Variants in PIWIL4 observed in about 807,000 individuals in gnomAD.
PIWIL4 encodes piwi like RNA-mediated gene silencing 4, also known as piwi-like protein 4.
PIWIL4 carries 50 observed loss-of-function variants against 100.9 expected under a neutral mutation model. That is an observed-to-expected ratio of 0.50 (90% confidence interval 0.39 to 0.63). The LOEUF (loss-of-function observed/expected upper bound fraction) is 0.63. Among genes scored for constraint, PIWIL4 ranks in the 20% least tolerant of loss-of-function variants. PIWIL4 has a pLI of 0.00. For missense variants in PIWIL4, 887 were observed against 1,043.3 expected, an observed-to-expected ratio of 0.85 and a Z score of 2.06; for synonymous variants, 342 against 367.5, an observed-to-expected ratio of 0.93 and a Z score of 0.79.
chr11:94,600,007 A>G (rs768687470), intron 11 of PIWIL4, among the ~76,000 whole-genome samples: 49 of 152,278 alleles, frequency 3.2e-4, no homozygotes, highest in Admixed American at 6.5e-4. Flanking sequence ...AAGTAGCAGG[A>G]GATTAGCATA....
chr11:94,568,603 T>A lies in PIWIL4; in HGVS notation c.88-127T>A, dbSNP rs1392007804. The A allele has an allele frequency of 4.4e-6, 3 of 679,374 alleles. No individual in the cohort carries two copies. In the Admixed American group the frequency reaches 6.9e-5, roughly 16 times the overall value. The allele number at this position is 679,374 out of a possible 1,614,324, so 42.1% of individuals were successfully genotyped here. ...CACTCTCTTCTCATCTCTCAAGGGT[T>A]TTACCTGTTAACATTTTCTTTGCCT... On this transcript the variant is annotated intron_variant, in intron 1 of 19. Coordinates refer to ENST00000299001, the MANE Select transcript of PIWIL4 (RefSeq NM_152431.3).
chr11:94,582,459 C>A (rs1412842610), intron 4 of PIWIL4, among the ~76,000 whole-genome samples: 1 of 152,152 alleles, frequency 6.6e-6, no homozygotes, highest in African/African-American at 2.4e-5. Flanking sequence ...GCCTTACATT[C>A]TTGATGCAAT....
chr11:94,587,681 C>T (rs1317494889), intron 7 of PIWIL4, among the ~76,000 whole-genome samples: 19 of 152,234 alleles, frequency 1.2e-4, no homozygotes, highest in Admixed American at 9.8e-4. Context: ...TTCCCCTGGG[C>T]GGCGCCCATA....
intron 13 of PIWIL4, among the ~76,000 whole-genome samples, chr11:94,606,131 A>G (rs901560733): frequency 1.3e-5 from 2 of 152,116 alleles, no homozygotes; most frequent in Admixed American, 6.5e-5. Flanking sequence ...TGTATGTTGC[A>G]TGGCTCCTGT....
At chr11:94,576,483 G>A (rs1948239138) in intron 3 of PIWIL4, among the ~76,000 whole-genome samples, 1 of 152,132 alleles carries the variant, frequency 6.6e-6, no homozygotes, top group South Asian at 2.1e-4. Context: ...TCTCTGTAAG[G>A]GGAAGTGAGA....
At position 94,595,293 on chromosome 11, in the gene PIWIL4, C is replaced by T; in HGVS notation, c.1151-16C>T. On this transcript the variant is annotated splice_polypyrimidine_tract_variant and intron_variant, in intron 9 of 19. Transcript: ENST00000299001. ...TATGTTCATTTTCTCACTTTGTCTT[C>T]ATTTGCATTTAATAGGGCTGACTGA... 2 of 1,606,136 alleles carry T rather than the reference C, an allele frequency of 1.2e-6. No individual in the cohort carries two copies. The highest frequency in any genetic ancestry group is 1.7e-6 in the Non-Finnish European group (2 of 1,173,584).
At position 94,597,724 on chromosome 11, in the gene PIWIL4, C is replaced by T. The variant is rs1019890070; in HGVS notation, c.1269-80C>T. The T allele has an allele frequency of 2.5e-5, 24 of 957,610 alleles. No homozygotes were observed. The African/African-American group carries it at 4.0e-4, about 16-fold the overall frequency. The allele number at this position is 957,610 out of a possible 1,614,324, so 59.3% of individuals were successfully genotyped here. On this transcript the variant is annotated intron_variant, in intron 10 of 19. Transcript: ENST00000299001. ...AATTAGAAGCCAGGAATCCTGAAGA[C>T]ACAGAAAATCAGCCCCTGACGAATT...
intron 8 of PIWIL4, among the ~76,000 whole-genome samples, chr11:94,590,311 T>A (rs1266381226): frequency 6.6e-6 from 1 of 152,098 alleles, no homozygotes; most frequent in African/African-American, 2.4e-5. Context: ...CTGTGACCTC[T>A]CCCACCGGCT....
rs767609456 is a variant in PIWIL4 at position 94,585,506 on chromosome 11, A to G, written c.697A>G (p.Met233Val). 7 of 1,609,444 alleles carry G rather than the reference A, an allele frequency of 4.3e-6. No individual in the cohort carries two copies. The highest frequency in any genetic ancestry group is 1.1e-5 in the South Asian group (1 of 89,720). The part of the protein sequence containing the change: ...GRNFYNPSEP[M>V]EIPQHKLSLW... Reference sequence around the variant, plus strand: ...GAACTTCTATAATCCTTCAGAGCCAATGGAAATTCCCCAGCACAAGTAGGT... The same window carrying G: ...GAACTTCTATAATCCTTCAGAGCCAGTGGAAATTCCCCAGCACAAGTAGGT... The change falls in exon 6 of 20, where the codon ATG becomes GTG. Residue 233 changes from methionine (M) to valine (V), a missense_variant. Physicochemically the swap from Met to Val is conservative, Grantham distance 21 (BLOSUM62 1). This residue lies in a region of PIWIL4 where 741 missense variants were observed against 930.0 expected (regional missense o/e 0.80). Coordinates refer to ENST00000299001, the MANE Select transcript of PIWIL4 (RefSeq NM_152431.3).
intron 7 of PIWIL4, 89 bp downstream of exon 7, chr11:94,587,336 A>G (rs1396497558): frequency 3.1e-6 from 4 of 1,297,960 alleles, no homozygotes; most frequent in East Asian, 2.4e-5. Context: ...TATTGGCCCA[A>G]TATCACAGAT....
chr11:94,572,239 G>A (rs945047447), intron 2 of PIWIL4, among the ~76,000 whole-genome samples: 5 of 152,192 alleles, frequency 3.3e-5, no homozygotes, highest in African/African-American at 1.2e-4. Flanking sequence ...TCTGTAGGTT[G>A]CCTGTTCACT....
At chr11:94,568,868 C>G (rs1246183042) in intron 2 of PIWIL4, 60 bp downstream of exon 2, 1 of 1,454,036 alleles carries the variant, frequency 6.9e-7, no homozygotes, top group African/African-American at 1.4e-5. Context: ...CAAGAGGAGC[C>G]CTGCCAGGCC....
At chr11:94,582,064 G>A (rs757724280) in intron 4 of PIWIL4, among the ~76,000 whole-genome samples, 28 of 152,280 alleles carry the variant, frequency 1.8e-4, no homozygotes, top group Non-Finnish European at 3.2e-4. Context: ...AGGGTCTGAG[G>A]TCCAATAGGA....
At chr11:94,614,118 T>G (rs1470470346) in intron 15 of PIWIL4, among the ~76,000 whole-genome samples, 1 of 151,756 alleles carries the variant, frequency 6.6e-6, no homozygotes, top group Non-Finnish European at 1.5e-5. Context: ...GTTTTGTTTC[T>G]GTATTTTTTT....
intron 2 of PIWIL4, among the ~76,000 whole-genome samples, chr11:94,574,287 CT>C (rs752237708): frequency 2.6e-5 from 4 of 152,154 alleles, no homozygotes; most frequent in South Asian, 4.1e-4. Context: ...AATTTCTCTT[CT>C]TTTCTTTGGG....
intron 4 of PIWIL4, among the ~76,000 whole-genome samples, chr11:94,581,499 T>C (rs150632437): frequency 1.2e-3 from 177 of 152,304 alleles, no homozygotes; most frequent in Admixed American, 0.011. Context: ...GAGTTGTGAT[T>C]TCAAAGGTAA....
intron 6 of PIWIL4, among the ~76,000 whole-genome samples, chr11:94,586,201 A>C (rs1047645710): frequency 4.0e-5 from 6 of 151,770 alleles, no homozygotes; most frequent in Non-Finnish European, 5.9e-5. Flanking sequence ...GCTCTCTATA[A>C]AGCACCCAAT....
intron 10 of PIWIL4, among the ~76,000 whole-genome samples, chr11:94,596,396 GAATT>G (rs897150026): frequency 2.0e-5 from 3 of 151,870 alleles, no homozygotes; most frequent in South Asian, 2.1e-4. Context: ...AATCACAATT[GAATT>G]AATAATTAAT....
intron 5 of PIWIL4, among the ~76,000 whole-genome samples, chr11:94,584,786 C>G (rs1306766569): frequency 3.9e-5 from 6 of 152,180 alleles, no homozygotes; most frequent in Non-Finnish European, 8.8e-5. Context: ...AGATCCTCGG[C>G]TGGGCCGGTG....
Sources: gnomAD v4.1 joint callset for allele counts (sites outside exome capture counted in the v4.1 genomes callset) on GRCh38, gnomAD v4.1.1 for gene constraint, gnomAD v4.1.1 regional missense constraint, MANE v1.5 for transcripts, NCBI Gene and HGNC (gene_info 2026-07-23, HGNC 2026-07-21) for gene names.